Variants in SLC12A3 observed in about 807,000 individuals in gnomAD.
SLC12A3 encodes Na-Cl cotransporter.
Under a neutral mutation model 121.0 loss-of-function variants are expected in SLC12A3, and 104 were observed. That is an observed-to-expected ratio of 0.86 (90% CI 0.73 to 1.01). SLC12A3 has a LOEUF of 1.01. Among genes scored for constraint, SLC12A3 ranks in the 50% least tolerant of loss-of-function variants. The pLI, the probability that SLC12A3 is intolerant of heterozygous loss-of-function variation, is 0.00. For synonymous variants in SLC12A3, 536 were observed against 533.4 expected (o/e 1.00, Z -0.07); for missense variants, 1,328 against 1,356.3 (o/e 0.98, Z 0.33).
chr16:56,880,037 G>A (rs1002645861), intron 11 of SLC12A3, 93 bp from the exon 12 acceptor site: 21 of 1,529,572 alleles, frequency 1.4e-5, no homozygotes, highest in Non-Finnish European at 1.8e-5. Context: ...AGGTCACGGA[G>A]GGCACCGAGC....
chr16:56,908,215 C>T (rs2055635015), intron 25 of SLC12A3, among the ~76,000 whole-genome samples: 1 of 132,424 alleles, frequency 7.6e-6, no homozygotes, highest in Non-Finnish European at 1.5e-5. Context: ...GGCTGGAGTG[C>T]AGTGGTGAGA....
intron 12 of SLC12A3, 32 bp downstream of exon 12, chr16:56,880,285 C>T (rs1229057629): frequency 1.3e-6 from 2 of 1,557,914 alleles, no homozygotes; most frequent in African/African-American, 2.7e-5. Flanking sequence ...CAGGGCCTGG[C>T]CTCCTGTTCC....
chr16:56,872,415 TC>T lies in SLC12A3; in HGVS notation c.923del (p.Pro308HisfsTer62). On this transcript the variant is annotated frameshift_variant, in exon 7 of 26. Transcript: ENST00000563236. LOFTEE classifies it high-confidence loss of function. Reference sequence around the variant, plus strand: ...GCCAACTATTTAGTGGGGACGCTGATCCCCCCATCTGAGGACAAGGCCTCCA... The same window carrying T: ...GCCAACTATTTAGTGGGGACGCTGATCCCCCATCTGAGGACAAGGCCTCCA... ...SFANYLVGTL[I>X]PPSEDKASKG... The T allele has an allele frequency of 6.2e-7, 1 of 1,614,022 alleles. No homozygotes were observed. The highest frequency in any genetic ancestry group is 8.5e-7 in the Non-Finnish European group (1 of 1,180,014).
chr16:56,900,302 C>G (rs1235114590), intron 23 of SLC12A3, among the ~76,000 whole-genome samples: 1 of 152,080 alleles, frequency 6.6e-6, no homozygotes, highest in Admixed American at 6.5e-5. Context: ...GAATCTGCAG[C>G]CCCATCCTCC....
At chr16:56,902,611 C>A in intron 24 of SLC12A3, 103 bp downstream of exon 24, 2 of 1,424,584 alleles carry the variant, frequency 1.4e-6, no homozygotes, top group Non-Finnish European at 1.9e-6. Context: ...GATCCTCCAC[C>A]CTGCCTTCCA....
At chr16:56,885,727 T>C (rs1379616348) in intron 15 of SLC12A3, among the ~76,000 whole-genome samples, 1 of 152,216 alleles carries the variant, frequency 6.6e-6, no homozygotes, top group Non-Finnish European at 1.5e-5. Context: ...AGGAGGTTTA[T>C]GCACCTGCCA....
At chr16:56,878,876 A>G (rs917767721) in intron 9 of SLC12A3, among the ~76,000 whole-genome samples, 197 bp from the exon 10 acceptor site, 2 of 152,204 alleles carry the variant, frequency 1.3e-5, no homozygotes, top group Non-Finnish European at 2.9e-5. Context: ...CAAAAATAAT[A>G]GTAATGCCTG....
chr16:56,891,454 GAGAGACT>G (rs1487709251), intron 19 of SLC12A3, among the ~76,000 whole-genome samples: 3 of 151,974 alleles, frequency 2.0e-5, no homozygotes, highest in African/African-American at 4.8e-5. Flanking sequence ...GGCAGTGCTG[GAGAGACT>G]GGGAGCTTGG....
In SLC12A3 at chr16:56,868,332, C is replaced by A; in HGVS notation, c.465C>A (p.Leu155=). ...TGCTCAACATTTGGGGCGTGATCCT[C>A]TACCTGCGGCTGCCCTGGATTACGG... ...RCMLNIWGVI[L]YLRLPWITAQ... The change falls in exon 3 of 26, where the codon CTC becomes CTA. Residue 155 remains leucine (L), a synonymous_variant. Transcript: ENST00000563236. 6.2e-7 allele frequency: 1 copy of A among 1,613,974 alleles called. No homozygotes were observed. The highest frequency in any genetic ancestry group is 1.1e-5 in the South Asian group (1 of 90,990).
rs1414551767 is a variant in SLC12A3, at chr16:56,906,660, C to T, written c.2924+2198C>T. ...AGTACCTAAGATAGAAATTCAGGAC[C>T]AACTAGCCAAAATATACAAGACCAC... On this transcript the variant is annotated intron_variant, in intron 25 of 25. Coordinates refer to ENST00000563236, the MANE Select transcript of SLC12A3 (RefSeq NM_001126108.2). 2.9e-5 allele frequency: 12 copies of T among 416,628 alleles called. No individual in the cohort carries two copies. In the Admixed American group the frequency reaches 3.3e-4, roughly 11 times the overall value. 25.8% of individuals were successfully genotyped at this position (416,628 alleles called of 1,614,324 possible).
intron 23 of SLC12A3, among the ~76,000 whole-genome samples, 162 bp downstream of exon 23, chr16:56,899,778 C>T (rs907370318): frequency 7.2e-5 from 11 of 152,204 alleles, no homozygotes; most frequent in African/African-American, 2.2e-4. Flanking sequence ...TGGCTGTGGC[C>T]GGGGCCTGTC....
intron 25 of SLC12A3, among the ~76,000 whole-genome samples, chr16:56,911,958 G>T (rs1596963008): frequency 6.6e-6 from 1 of 152,238 alleles, no homozygotes; most frequent in African/African-American, 2.4e-5. Context: ...GGAGGTTTTT[G>T]TGTTCTTGCT....
At chr16:56,872,826 A>G (rs767964695) in intron 8 of SLC12A3, 40 bp downstream of exon 8, 1 of 1,613,024 alleles carries the variant, frequency 6.2e-7, no homozygotes, top group Non-Finnish European at 8.5e-7. Flanking sequence ...CTGGCACTGC[A>G]CAGGGGCTAT....
At chr16:56,878,041 T>TCTCTCCCCCCCCCCCCCCCCCCC in intron 8 of SLC12A3, 36 bp from the exon 9 acceptor site, 2 of 393,160 alleles carry the variant, frequency 5.1e-6, no homozygotes, top group South Asian at 2.1e-5. Context: ...CCTCTCTCCC[T>TCTCTCCCCCCCCCCCCCCCCCCC]CCCTCCCTCC....
chr16:56,890,450 A>C, intron 19 of SLC12A3, 94 bp downstream of exon 19: 1 of 1,046,128 alleles, frequency 9.6e-7, no homozygotes, highest in Non-Finnish European at 1.5e-6. Flanking sequence ...ATAAAAGGTT[A>C]CAGACTCATA....
chr16:56,911,307 T>TGTTTG lies in SLC12A3; in HGVS notation c.2925-1957_2925-1956insGTTTG, dbSNP rs2055681451. On this transcript the variant is annotated intron_variant, in intron 25 of 25. Transcript: ENST00000563236. ...CCCACCTTCCCTAATTTTTGAGACC[T>TGTTTG]TTTGTTTGTTTGTTTGTTTGTTTGT... Among the ~76,000 whole-genome samples, 13 of 148,436 alleles carry TGTTTG rather than the reference T, an allele frequency of 8.8e-5. No homozygotes were observed. The South Asian group carries it at 1.5e-3, about 17-fold the overall frequency.
At chr16:56,882,690 C>G (rs1322857968) in intron 13 of SLC12A3, among the ~76,000 whole-genome samples, 193 bp downstream of exon 13, 1 of 151,898 alleles carries the variant, frequency 6.6e-6, no homozygotes, top group African/African-American at 2.4e-5. Flanking sequence ...GCCTGTAATC[C>G]TAGCATTTTT....
rs138977195 is a variant in SLC12A3 at position 56,887,967 on chromosome 16, G to A, written c.2221G>A (p.Gly741Arg). The A allele has an allele frequency of 7.6e-4, 1,233 of 1,612,942 alleles. No homozygotes were observed. Among genetic ancestry groups the A allele is most frequent in the Non-Finnish European group, 1.0e-3 (1,174 of 1,179,454 alleles). The change falls in exon 18 of 26, where the codon GGG becomes AGG. Residue 741 changes from glycine (G) to arginine (R), a missense_variant. Physicochemically the swap from Gly to Arg is moderately radical, Grantham distance 125 (BLOSUM62 -2). Coordinates refer to ENST00000563236, the MANE Select transcript of SLC12A3 (RefSeq NM_001126108.2). ...AATGAAGCCCAACATTCTGGTGGTTGGGTTCAAGAAGAACTGGCAGTCGGC... is the reference window on the plus strand; with the variant it reads ...AATGAAGCCCAACATTCTGGTGGTTAGGTTCAAGAAGAACTGGCAGTCGGC... ...GRMKPNILVV[G>R]FKKNWQSAHP...
Position 56,899,581 on chromosome 16 carries a change from C to T in SLC12A3, c.2685C>T (p.Ile895=). The T allele has an allele frequency of 6.2e-7, 1 of 1,614,162 alleles. No individual in the cohort carries two copies. Among genetic ancestry groups the T allele is most frequent in the Non-Finnish European group, 8.5e-7 (1 of 1,179,968 alleles). The change falls in exon 23 of 26, where the codon ATC becomes ATT. Residue 895 remains isoleucine (I), a synonymous_variant. Transcript: ENST00000563236. ...GACTGGGATTCCATGAAGTCCACAT[C>T]CTCCCTGACATCAACCAGAACCCTC... ...KFRLGFHEVH[I]LPDINQNPRA...
Sources: gnomAD v4.1 joint callset for allele counts (sites outside exome capture counted in the v4.1 genomes callset) on GRCh38, gnomAD v4.1.1 for gene constraint, MANE v1.5 for transcripts, NCBI Gene and HGNC (gene_info 2026-07-23, HGNC 2026-07-21) for gene names.